Variants in CD72 observed in about 807,000 individuals in gnomAD.
The protein encoded by CD72 is B-cell differentiation antigen CD72.
A neutral mutation model predicts 50.7 loss-of-function variants in CD72; 28 were observed. The observed-to-expected ratio is 0.55, with a 90% CI of 0.41 to 0.76. The LOEUF (loss-of-function observed/expected upper bound fraction) is 0.76. Ranked by LOEUF, CD72 falls within the 30% of genes least tolerant of loss-of-function variation. The pLI is 0.00. For missense variants in CD72, 403 were observed against 420.6 expected, an observed-to-expected ratio of 0.96 and a Z score of 0.37; for synonymous variants, 176 against 171.2, an observed-to-expected ratio of 1.03 and a Z score of -0.22.
chr9:35,643,123 A>G (rs548931595), intron 1 of CD72: 1 of 152,338 alleles, frequency 6.6e-6, no homozygotes, highest in Non-Finnish European at 1.5e-5. Flanking sequence ...CTGGCTTCAA[A>G]TGCCAAAAGC....
In CD72 at chr9:35,618,139, G is replaced by C. The variant is rs376053011; in HGVS notation, c.83-18C>G. The stretch of plus-strand genomic sequence containing the variant: ...CCCTGGGTCTAGAGAGAAGAGAAAA[G>C]GGACCAAGGTGGGATTTGGGAATGG... On this transcript the variant is annotated intron_variant, in intron 1 of 8. Coordinates refer to ENST00000259633, the MANE Select transcript of CD72 (RefSeq NM_001782.3). 2.5e-6 allele frequency: 4 copies of C among 1,610,492 alleles called. No individual in the cohort carries two copies. Among genetic ancestry groups the C allele is most frequent in the Non-Finnish European group, 2.5e-6 (3 of 1,176,638 alleles).
In CD72 at chr9:35,611,894, A is replaced by G. The variant is rs1822992218; in HGVS notation, c.860T>C (p.Leu287Pro). The part of the protein sequence containing the change: ...QSHSYYFLNS[L>P]LPNGGSGNSY... The stretch of plus-strand genomic sequence containing the variant: ...ATTCCCTGAACCACCATTTGGCAAC[A>G]GTGAATTTAAGAAGTAGTAAGAGTG... Residue 287 changes from leucine to proline, a missense_variant, in exon 7 of 9, where the codon CTG (leucine) becomes CCG (proline). By Grantham distance (98) the Leu-to-Pro change is moderately conservative. Coordinates refer to ENST00000259633, the MANE Select transcript of CD72 (RefSeq NM_001782.3). 1 of 1,602,638 alleles carries G rather than the reference A, an allele frequency of 6.2e-7. No homozygotes were observed. The highest frequency in any genetic ancestry group is 1.3e-5 in the African/African-American group (1 of 74,700).
chr9:35,644,080 C>T (rs1823364338), intron 1 of CD72, among the ~76,000 whole-genome samples: 1 of 151,374 alleles, frequency 6.6e-6, no homozygotes, highest in Non-Finnish European at 1.5e-5. Context: ...GGCATGGTGG[C>T]TCATGCCTGT....
At chr9:35,621,659 C>T (rs1211217551), upstream of CD72, among the ~76,000 whole-genome samples, 1 of 152,174 alleles carries the variant, frequency 6.6e-6, no homozygotes, top group Non-Finnish European at 1.5e-5. Flanking sequence ...TCTTGGTAGG[C>T]ACACTCTGAT....
At chr9:35,625,859 T>C (rs759481129) in intron 1 of CD72, among the ~76,000 whole-genome samples, 6 of 152,174 alleles carry the variant, frequency 3.9e-5, no homozygotes, top group Non-Finnish European at 8.8e-5. Flanking sequence ...CAGCACAGTT[T>C]AGTGAATATT....
chr9:35,643,816 A>G (rs1222506117), intron 1 of CD72, among the ~76,000 whole-genome samples: 1 of 152,112 alleles, frequency 6.6e-6, no homozygotes, highest in Non-Finnish European at 1.5e-5. Context: ...CATCTCTACT[A>G]AAAATACAAA....
chr9:35,620,296 G>A (rs1301800283), upstream of CD72, among the ~76,000 whole-genome samples: 2 of 152,082 alleles, frequency 1.3e-5, no homozygotes, highest in Admixed American at 6.6e-5. Context: ...GTGAAACCCC[G>A]TCTCTACTAC....
intron 1 of CD72, among the ~76,000 whole-genome samples, chr9:35,645,164 AC>A (rs1264751097): frequency 1.3e-5 from 2 of 149,102 alleles, no homozygotes; most frequent in African/African-American, 4.9e-5. Flanking sequence ...TCGCCACTGC[AC>A]TTCAGCCTGG....
upstream of CD72, among the ~76,000 whole-genome samples, chr9:35,624,019 C>T (rs772683333): frequency 1.3e-5 from 2 of 151,824 alleles, no homozygotes; most frequent in African/African-American, 2.4e-5. Context: ...CACGACCAGC[C>T]TGACCAACAC....
Position 35,646,264 on chromosome 9 carries a change from C to T in CD72, n.408+139G>A, listed in dbSNP as rs117599508. The stretch of plus-strand genomic sequence containing the variant: ...ATGTGTCCCTATCCTCCTAGCTAGG[C>T]TTTAAGAAAGAGGAGGGACAGCTGG... On this transcript the variant is annotated intron_variant and non_coding_transcript_variant, in intron 1 of 3. Transcript: ENST00000465754. 27 of 152,338 alleles carry T rather than the reference C, an allele frequency of 1.8e-4. No homozygotes were observed. The East Asian group carries it at 4.4e-3, about 25-fold the overall frequency. The allele number at this position is 152,338 out of a possible 1,614,324, so 9.4% of individuals were successfully genotyped here.
chr9:35,630,879 C>T (rs886158478), intron 1 of CD72, among the ~76,000 whole-genome samples: 4 of 152,134 alleles, frequency 2.6e-5, no homozygotes, highest in Non-Finnish European at 4.4e-5. Context: ...ACCTGCGCAA[C>T]ATGGCAAAAC....
intron 8 of CD72, 131 bp from the exon 9 acceptor site, chr9:35,610,431 C>T: frequency 6.6e-6 from 2 of 301,392 alleles, no homozygotes; most frequent in South Asian, 2.8e-5. Flanking sequence ...TTACCTGTCC[C>T]TCCCTGCCCA....
upstream of CD72, among the ~76,000 whole-genome samples, chr9:35,623,365 C>G (rs1166477251): frequency 2.0e-5 from 3 of 152,174 alleles, no homozygotes; most frequent in Non-Finnish European, 4.4e-5. Flanking sequence ...TATAAACTGA[C>G]CCAGTGACTG....
intron 1 of CD72, among the ~76,000 whole-genome samples, chr9:35,639,345 G>A (rs1432881856): frequency 6.6e-6 from 1 of 152,192 alleles, no homozygotes; most frequent in Non-Finnish European, 1.5e-5. Flanking sequence ...AAAGCACATT[G>A]TTATTTGTAC....
Position 35,646,733 on chromosome 9 carries a change from C to G in CD72, n.78G>C, listed in dbSNP as rs368167565. 22 of 152,422 alleles carry G rather than the reference C, an allele frequency of 1.4e-4. No homozygotes were observed. In the East Asian group the frequency reaches 4.0e-3, roughly 28 times the overall value. 9.4% of individuals were successfully genotyped at this position (152,422 alleles called of 1,614,324 possible). The stretch of plus-strand genomic sequence containing the variant: ...ACTGCTTGGGAGCAGTCATGTCACC[C>G]AGTCCAGAGGGAGCCGGTCAGCTGC... On this transcript the variant is annotated non_coding_transcript_exon_variant, in exon 1 of 4. Transcript: ENST00000465754.
chr9:35,629,569 T>C (rs929229196), intron 1 of CD72, among the ~76,000 whole-genome samples: 5 of 152,200 alleles, frequency 3.3e-5, no homozygotes, highest in African/African-American at 1.2e-4. Context: ...CTCAACAGTC[T>C]CTGAAAGGTG....
chr9:35,638,452 C>T (rs10972534), intron 1 of CD72, among the ~76,000 whole-genome samples: 23,153 of 152,090 alleles, frequency 0.15, 2,135 homozygotes, highest in Admixed American at 0.23. Flanking sequence ...TTTTGTTCTG[C>T]GACTAGCTCT....
upstream of CD72, among the ~76,000 whole-genome samples, chr9:35,620,661 T>C (rs1345276827): frequency 2.0e-5 from 3 of 151,968 alleles, no homozygotes; most frequent in Admixed American, 2.0e-4. Context: ...TGAAATCCCA[T>C]CTGTATTAAA....
At chr9:35,621,680 CTTGA>C (rs926644133), upstream of CD72, among the ~76,000 whole-genome samples, 5 of 152,156 alleles carry the variant, frequency 3.3e-5, no homozygotes, top group Non-Finnish European at 7.3e-5. Flanking sequence ...CACATGAGTC[CTTGA>C]AAGGGAGAAC....
Sources: gnomAD v4.1 joint callset for allele counts (sites outside exome capture counted in the v4.1 genomes callset) on GRCh38, gnomAD v4.1.1 for gene constraint, MANE v1.5 for transcripts, NCBI Gene and HGNC (gene_info 2026-07-23, HGNC 2026-07-21) for gene names.